CNIH3: variants seen among roughly 807,000 people sequenced by gnomAD.
The protein encoded by CNIH3 is protein cornichon homolog 3.
A neutral mutation model predicts 24.1 loss-of-function variants in CNIH3; 14 were observed. That is an observed-to-expected ratio of 0.58 (90% CI 0.38 to 0.91). The LOEUF (loss-of-function observed/expected upper bound fraction) is 0.91. CNIH3 is among the 40% of genes least tolerant of loss of function. CNIH3 has a pLI of 0.00. For synonymous variants in CNIH3, 68 were observed against 73.8 expected (o/e 0.92, Z 0.40); for missense variants, 178 against 196.8 (o/e 0.90, Z 0.57).
At chr1:224,637,302 C>T (rs1057036918) in intron 1 of CNIH3, among the ~76,000 whole-genome samples, 10 of 152,098 alleles carry the variant, frequency 6.6e-5, no homozygotes, top group Admixed American at 1.3e-4. Flanking sequence ...GCGAGGTCCC[C>T]GCACACACAT....
intron 3 of CNIH3, among the ~76,000 whole-genome samples, chr1:224,609,357 A>G (rs1418072108): frequency 6.6e-6 from 1 of 152,210 alleles, no homozygotes; most frequent in Non-Finnish European, 1.5e-5. Flanking sequence ...CCCAATTCTC[A>G]GGACATTCTA....
Position 224,693,082 on chromosome 1 carries a change from C to G in CNIH3, c.198+8239C>G, listed in dbSNP as rs1170722928. On this transcript the variant is annotated intron_variant, in intron 3 of 5. Transcript: ENST00000272133. The stretch of plus-strand genomic sequence containing the variant: ...AAATATCCTGGAACAAAAGTTGTAA[C>G]TAGTTCAGAAACCATGTCTCATGTA... Among the ~76,000 whole-genome samples, 4 of 152,230 alleles carry G rather than the reference C, an allele frequency of 2.6e-5. No homozygotes were observed. In the East Asian group the frequency reaches 7.7e-4, roughly 29 times the overall value.
At chr1:224,506,348 C>T (rs1265214735) in intron 1 of CNIH3, among the ~76,000 whole-genome samples, 1 of 152,134 alleles carries the variant, frequency 6.6e-6, no homozygotes, top group South Asian at 2.1e-4. Context: ...TAAAAGACTT[C>T]AGGCACAGTG....
chr1:224,470,677 T>C (rs947235308), intron 1 of CNIH3, among the ~76,000 whole-genome samples: 1 of 151,882 alleles, frequency 6.6e-6, no homozygotes, highest in Non-Finnish European at 1.5e-5. Flanking sequence ...GCCTATGTTT[T>C]GAACTCTTGG....
At chr1:224,451,216 G>A (rs1675385005) in intron 1 of CNIH3, among the ~76,000 whole-genome samples, 1 of 152,202 alleles carries the variant, frequency 6.6e-6, no homozygotes, top group Non-Finnish European at 1.5e-5. Context: ...CAGGTAGGCT[G>A]AGCATGAACT....
At chr1:224,632,990 G>T (rs1404496254) in intron 1 of CNIH3, among the ~76,000 whole-genome samples, 1 of 152,054 alleles carries the variant, frequency 6.6e-6, no homozygotes, top group Non-Finnish European at 1.5e-5. Context: ...AAATGAAGGA[G>T]CTCAACAAAG....
intron 1 of CNIH3, among the ~76,000 whole-genome samples, chr1:224,632,995 A>G (rs1289238173): frequency 1.3e-5 from 2 of 152,082 alleles, no homozygotes; most frequent in African/African-American, 4.8e-5. Flanking sequence ...AAGGAGCTCA[A>G]CAAAGTGACA....
chr1:224,469,906 G>A (rs967136151), intron 1 of CNIH3, among the ~76,000 whole-genome samples: 3 of 151,676 alleles, frequency 2.0e-5, no homozygotes, highest in African/African-American at 7.3e-5. Context: ...GATGAATTCT[G>A]CCAGATTTAA....
intron 1 of CNIH3, among the ~76,000 whole-genome samples, chr1:224,452,629 A>C (rs1675461185): frequency 6.6e-6 from 1 of 151,322 alleles, no homozygotes; most frequent in Non-Finnish European, 1.5e-5. Context: ...AAAATACAAA[A>C]ACATTAGCCA....
At chr1:224,528,003 T>C (rs1451484401) in intron 2 of CNIH3, among the ~76,000 whole-genome samples, 2 of 152,202 alleles carry the variant, frequency 1.3e-5, no homozygotes, top group Non-Finnish European at 2.9e-5. Flanking sequence ...GGCTCATGCC[T>C]GTAATTCCAG....
At chr1:224,506,210 G>C (rs1677900673) in intron 1 of CNIH3, among the ~76,000 whole-genome samples, 1 of 152,194 alleles carries the variant, frequency 6.6e-6, no homozygotes, top group African/African-American at 2.4e-5. Flanking sequence ...GTGAAGTGCT[G>C]TTGGTGTGTC....
At chr1:224,732,405 A>G (rs1008271280) in intron 4 of CNIH3, among the ~76,000 whole-genome samples, 3 of 152,236 alleles carry the variant, frequency 2.0e-5, no homozygotes, top group Non-Finnish European at 2.9e-5. Flanking sequence ...AGTAAAGGCA[A>G]TCTGCTCTCA....
chr1:224,515,003 C>G (rs1264070607), upstream of CNIH3, among the ~76,000 whole-genome samples: 1 of 152,212 alleles, frequency 6.6e-6, no homozygotes, highest in African/African-American at 2.4e-5. Flanking sequence ...GTACCTGTTC[C>G]TCTCTGGCAC....
At position 224,739,530 on chromosome 1, in the gene CNIH3, A is replaced by T; in HGVS notation, c.*174A>T. ...CACGCAGCAGCTGGGAGCCGAGTTA[A>T]CCCTGCGTGTCTGTGTCACCCTGTT... On this transcript the variant is annotated 3_prime_UTR_variant, in exon 6 of 6. Coordinates refer to ENST00000272133, the MANE Select transcript of CNIH3 (RefSeq NM_152495.2). 8.4e-7 allele frequency: 1 copy of T among 1,185,398 alleles called. No individual in the cohort carries two copies. Among genetic ancestry groups the T allele is most frequent in the Non-Finnish European group, 1.2e-6 (1 of 848,558 alleles). 73.4% of individuals were successfully genotyped at this position (1,185,398 alleles called of 1,614,324 possible). A position where few individuals can be genotyped will look rare whatever the true frequency, so the allele number is the denominator to read the frequency against.
At chr1:224,435,965 TAACTG>T (rs1260548383) in intron 1 of CNIH3, 1 of 152,212 alleles carries the variant, frequency 6.6e-6, no homozygotes, top group Non-Finnish European at 1.5e-5. Flanking sequence ...ATTATAGTAA[TAACTG>T]AAAGTAATTT....
intron 1 of CNIH3, chr1:224,434,874 A>G: frequency 1.0e-6 from 1 of 985,018 alleles, no homozygotes; most frequent in Non-Finnish European, 1.2e-6. Context: ...TATGGAACCT[A>G]TAGGGGGCCT....
At chr1:224,471,503 A>T (rs2102997470) in intron 1 of CNIH3, among the ~76,000 whole-genome samples, 1 of 152,122 alleles carries the variant, frequency 6.6e-6, no homozygotes, top group Admixed American at 6.5e-5. Context: ...AGAATACGCA[A>T]AGTTTGTCTT....
chr1:224,697,690 A>G (rs1558305483), intron 3 of CNIH3, among the ~76,000 whole-genome samples: 1 of 152,210 alleles, frequency 6.6e-6, no homozygotes, highest in Non-Finnish European at 1.5e-5. Flanking sequence ...TTCAACCCCC[A>G]GAATGCTCAC....
intron 3 of CNIH3, among the ~76,000 whole-genome samples, chr1:224,565,162 G>A (rs12751602): frequency 0.27 from 40,659 of 152,138 alleles, 5,810 homozygotes; most frequent in Admixed American, 0.33. Flanking sequence ...ATATAATGGA[G>A]GAGTTGCTAG....
Sources: gnomAD v4.1 joint callset for allele counts (sites outside exome capture counted in the v4.1 genomes callset) on GRCh38, gnomAD v4.1.1 for gene constraint, MANE v1.5 for transcripts, NCBI Gene and HGNC (gene_info 2026-07-23, HGNC 2026-07-21) for gene names.